The following CCDC85A variants were observed in gnomAD, a reference collection of about 807,000 sequenced individuals.
CCDC85A encodes the protein coiled-coil domain containing 85A.
In CCDC85A, 38 loss-of-function variants were observed where a neutral mutation model predicts 50.2. The ratio of observed to expected loss-of-function variants is 0.76; its 90% confidence interval spans 0.58 to 0.99. The LOEUF (loss-of-function observed/expected upper bound fraction) is 0.99. CCDC85A is among the 50% of genes least tolerant of loss of function. The pLI, the probability that CCDC85A is intolerant of heterozygous loss-of-function variation, is 0.00. For synonymous variants in CCDC85A, 366 were observed against 301.4 expected, an observed-to-expected ratio of 1.21 and a Z score of -2.22; for missense variants, 820 against 742.0, an observed-to-expected ratio of 1.11 and a Z score of -1.22.
chr2:56,219,447 C>A (rs979505), intron 2 of CCDC85A, among the ~76,000 whole-genome samples: 12,932 of 151,530 alleles, frequency 0.085, 808 homozygotes, highest in Non-Finnish European at 0.13. Context: ...AAATTGCAAC[C>A]ATTTTAAGTG....
chr2:56,339,397 C>G (rs1368367210), intron 2 of CCDC85A, among the ~76,000 whole-genome samples: 3 of 152,108 alleles, frequency 2.0e-5, no homozygotes, highest in Non-Finnish European at 2.9e-5. Flanking sequence ...AGGAATTTAC[C>G]CCTTTTTTCC....
At chr2:56,271,042 C>T (rs910102531) in intron 2 of CCDC85A, among the ~76,000 whole-genome samples, 3 of 152,154 alleles carry the variant, frequency 2.0e-5, no homozygotes, top group Admixed American at 1.3e-4. Context: ...CAAAGAAATG[C>T]AGTGGCTTGC....
At chr2:56,284,394 C>T (rs187232724) in intron 2 of CCDC85A, among the ~76,000 whole-genome samples, 440 of 152,016 alleles carry the variant, frequency 2.9e-3, no homozygotes, top group African/African-American at 9.6e-3. Flanking sequence ...TTTTTTGAGA[C>T]GGAGTTTCAC....
intron 2 of CCDC85A, among the ~76,000 whole-genome samples, chr2:56,263,423 A>G (rs2104029228): frequency 6.6e-6 from 1 of 152,356 alleles, no homozygotes; most frequent in African/African-American, 2.4e-5. Flanking sequence ...TGTAATTGAA[A>G]TGAAACAGAG....
intron 2 of CCDC85A, among the ~76,000 whole-genome samples, chr2:56,207,170 G>A (rs1676994700): frequency 6.6e-6 from 1 of 152,116 alleles, no homozygotes; most frequent in Non-Finnish European, 1.5e-5. Context: ...TTCCACTTTA[G>A]TATTTTGACC....
chr2:56,233,092 C>T (rs1228968655), intron 2 of CCDC85A, among the ~76,000 whole-genome samples: 1 of 152,158 alleles, frequency 6.6e-6, no homozygotes, highest in Non-Finnish European at 1.5e-5. Flanking sequence ...CTTTGTTCAC[C>T]TCTGCAGGAC....
intron 2 of CCDC85A, among the ~76,000 whole-genome samples, chr2:56,218,050 C>A (rs1668160129): frequency 6.6e-6 from 1 of 151,762 alleles, no homozygotes; most frequent in African/African-American, 2.4e-5. Context: ...GATACAACAT[C>A]TTGTGTGAAA....
At chr2:56,321,929 T>G (rs1253953367) in intron 2 of CCDC85A, among the ~76,000 whole-genome samples, 1 of 152,210 alleles carries the variant, frequency 6.6e-6, no homozygotes, top group Non-Finnish European at 1.5e-5. Flanking sequence ...AGCGTGGTAC[T>G]GGTACCAAAA....
chr2:56,318,350 T>C (rs1405111293), intron 2 of CCDC85A, among the ~76,000 whole-genome samples: 2 of 152,010 alleles, frequency 1.3e-5, no homozygotes, highest in Non-Finnish European at 2.9e-5. Flanking sequence ...GCAGGGACTG[T>C]GCATGAGCTG....
At chr2:56,340,876 C>CAA (rs61603853) in intron 2 of CCDC85A, among the ~76,000 whole-genome samples, 5,579 of 57,696 alleles carry the variant, frequency 0.097, 386 homozygotes, top group East Asian at 0.24. Flanking sequence ...AACTCCATCT[C>CAA]AAAAAAAAAA....
intron 5 of CCDC85A, among the ~76,000 whole-genome samples, chr2:56,381,697 T>A (rs1676594060): frequency 6.6e-6 from 1 of 152,080 alleles, no homozygotes; most frequent in South Asian, 2.1e-4. Context: ...GCCATCTCCA[T>A]GGTTCTTAAT....
At chr2:56,194,480 G>T (rs1676449701) in intron 2 of CCDC85A, among the ~76,000 whole-genome samples, 1 of 152,078 alleles carries the variant, frequency 6.6e-6, no homozygotes, top group South Asian at 2.1e-4. Context: ...GAGGGTTTTT[G>T]CTTTATTTGG....
At chr2:56,233,903 T>C (rs750162297) in intron 2 of CCDC85A, among the ~76,000 whole-genome samples, 7 of 152,172 alleles carry the variant, frequency 4.6e-5, no homozygotes, top group Non-Finnish European at 1.0e-4. Flanking sequence ...ATAAAAGATG[T>C]TCCCTAATTT....
intron 2 of CCDC85A, among the ~76,000 whole-genome samples, chr2:56,282,214 T>C (rs1167576398): frequency 1.3e-5 from 2 of 152,136 alleles, no homozygotes; most frequent in African/African-American, 2.4e-5. Context: ...TTGTCAAAGA[T>C]CAATTGGCCA....
intron 2 of CCDC85A, among the ~76,000 whole-genome samples, chr2:56,341,786 T>C (rs111903512): frequency 1.3e-5 from 2 of 152,214 alleles, no homozygotes; most frequent in South Asian, 2.1e-4. Flanking sequence ...CTGGTTTACC[T>C]AAAGATGTGT....
chr2:56,211,793 C>A (rs1433738597), intron 2 of CCDC85A, among the ~76,000 whole-genome samples: 3 of 151,932 alleles, frequency 2.0e-5, no homozygotes, highest in Non-Finnish European at 2.9e-5. Context: ...TTAGCCTAGA[C>A]CCACATAATT....
At chr2:56,344,718 C>A (rs958089685) in intron 3 of CCDC85A, among the ~76,000 whole-genome samples, 2 of 151,788 alleles carry the variant, frequency 1.3e-5, no homozygotes, top group Non-Finnish European at 1.5e-5. Flanking sequence ...GTCCTAAGGC[C>A]CTTGACTGAA....
At chr2:56,380,434 C>T (rs1573378222) in intron 5 of CCDC85A, among the ~76,000 whole-genome samples, 2 of 152,050 alleles carry the variant, frequency 1.3e-5, no homozygotes, top group African/African-American at 4.8e-5. Context: ...GTAGCACACA[C>T]CTATAGTCCC....
At chr2:56,268,429 A>G (rs779920029) in intron 2 of CCDC85A, among the ~76,000 whole-genome samples, 37 of 152,088 alleles carry the variant, frequency 2.4e-4, no homozygotes, top group Non-Finnish European at 5.0e-4. Context: ...CCCTGTCTCT[A>G]CTAAAAATAC....
Sources: allele counts gnomAD v4.1 joint callset (sites outside exome capture counted in the v4.1 genomes callset), GRCh38; gene constraint gnomAD v4.1.1; transcripts MANE v1.5; gene names NCBI Gene and HGNC (gene_info 2026-07-23, HGNC 2026-07-21).